Variants in CACNA2D2 observed in about 807,000 individuals in gnomAD.
CACNA2D2 encodes the protein voltage-dependent calcium channel subunit alpha-2/delta-2.
In CACNA2D2, 48 loss-of-function variants were observed where a neutral mutation model predicts 166.4. The observed-to-expected ratio is 0.29, with a 90% CI of 0.23 to 0.37. The LOEUF is 0.37. Ranked by LOEUF, CACNA2D2 falls within the 10% of genes least tolerant of loss-of-function variation. CACNA2D2 has a pLI of 1.00. For synonymous variants in CACNA2D2, 561 were observed against 573.7 expected, an observed-to-expected ratio of 0.98 and a Z score of 0.32; for missense variants, 1,122 against 1,433.0, an observed-to-expected ratio of 0.78 and a Z score of 3.50.
chr3:50,498,124 G>A (rs997224867), intron 1 of CACNA2D2, among the ~76,000 whole-genome samples: 3 of 152,134 alleles, frequency 2.0e-5, no homozygotes, highest in Non-Finnish European at 2.9e-5. Flanking sequence ...TGGCTGGAAG[G>A]GGGAAGAGAG....
At position 50,476,204 on chromosome 3, in the gene CACNA2D2, A is replaced by G. The variant is rs1206745335; in HGVS notation, c.207-5T>C. 12 of 1,581,770 alleles carry G rather than the reference A, an allele frequency of 7.6e-6. No individual in the cohort carries two copies. Among genetic ancestry groups the G allele is most frequent in the East Asian group, 2.3e-5 (1 of 43,432 alleles). ...CGCCGGGCCCAGTGCTGCATCCTGT[A>G]TGCAGAGAGAGGAGAGAGGTGTCAG... On this transcript the variant is annotated splice_polypyrimidine_tract_variant and splice_region_variant and intron_variant, in intron 1 of 37. Coordinates refer to ENST00000424201, the MANE Select transcript of CACNA2D2 (RefSeq NM_006030.4).
At chr3:50,399,084 CAGG>C (rs1329657442) in intron 3 of CACNA2D2, among the ~76,000 whole-genome samples, 1 of 152,266 alleles carries the variant, frequency 6.6e-6, no homozygotes, top group East Asian at 1.9e-4. Context: ...CCCTGCATGC[CAGG>C]AGGGGAGGGC....
At chr3:50,463,767 C>T (rs1559973805) in intron 2 of CACNA2D2, among the ~76,000 whole-genome samples, 1 of 152,248 alleles carries the variant, frequency 6.6e-6, no homozygotes, top group Non-Finnish European at 1.5e-5. Context: ...CCAGTGGCCT[C>T]CTTGTATGGG....
intron 4 of CACNA2D2, 131 bp from the exon 5 acceptor site, chr3:50,387,743 G>GC: frequency 1.4e-6 from 1 of 722,524 alleles, no homozygotes; most frequent in Non-Finnish European, 2.3e-6. Flanking sequence ...CCCACCCAGA[G>GC]CCCCCCTCCT....
chr3:50,420,435 TG>T (rs1229980198), intron 3 of CACNA2D2, among the ~76,000 whole-genome samples: 6 of 152,176 alleles, frequency 3.9e-5, no homozygotes, highest in Non-Finnish European at 4.4e-5. Flanking sequence ...AATACTGACT[TG>T]AAAACAGCTT....
At chr3:50,374,511 C>A (rs1704865166) in intron 22 of CACNA2D2, among the ~76,000 whole-genome samples, 1 of 151,920 alleles carries the variant, frequency 6.6e-6, no homozygotes, top group Non-Finnish European at 1.5e-5. Context: ...ACAGCAACCT[C>A]AACAGAAACC....
At chr3:50,441,714 A>G (rs905992113) in intron 2 of CACNA2D2, among the ~76,000 whole-genome samples, 2 of 152,244 alleles carry the variant, frequency 1.3e-5, no homozygotes, top group Admixed American at 1.3e-4. Flanking sequence ...GGCAATCCTG[A>G]TTATCCATTT....
At position 50,365,091 on chromosome 3, in the gene CACNA2D2, C is replaced by T; in HGVS notation, c.3192G>A (p.Leu1064=). The T allele has an allele frequency of 6.2e-7, 1 of 1,611,624 alleles. No homozygotes were observed. The highest frequency in any genetic ancestry group is 1.3e-5 in the African/African-American group (1 of 74,998). Residue 1064 remains leucine, a synonymous_variant, in exon 36 of 38, where the codon CTG becomes CTA. Coordinates refer to ENST00000424201, the MANE Select transcript of CACNA2D2 (RefSeq NM_006030.4). This position sits in a 1 kb window ranked among gnomAD's most constrained non-coding sequence, Gnocchi z 4.5. ...GCAGGATACAGTGCGTCTCCTTCTGCAGCAGCCGGCCAGCCTCGCACTGGC... is the reference window on the plus strand; with the variant it reads ...GCAGGATACAGTGCGTCTCCTTCTGTAGCAGCCGGCCAGCCTCGCACTGGC... ...LCSQCEAGRL[L]QKETHSDGPE...
chr3:50,378,121 G>T (rs1705083777), intron 14 of CACNA2D2, 24 bp from the exon 15 acceptor site: 1 of 1,606,360 alleles, frequency 6.2e-7, no homozygotes, highest in Admixed American at 1.7e-5. Flanking sequence ...AGTGGTGGGG[G>T]TAATGAGTGC....
intron 3 of CACNA2D2, among the ~76,000 whole-genome samples, chr3:50,406,117 C>T (rs1338263007): frequency 6.6e-6 from 1 of 151,790 alleles, no homozygotes; most frequent in Non-Finnish European, 1.5e-5. Flanking sequence ...CAGGTCATTG[C>T]CCTTTGTCAG....
chr3:50,465,386 G>C (rs368579613), intron 2 of CACNA2D2, among the ~76,000 whole-genome samples: 2 of 152,212 alleles, frequency 1.3e-5, no homozygotes, highest in African/African-American at 4.8e-5. Flanking sequence ...ACCTGATCAA[G>C]AGGCAAGTGG....
chr3:50,392,310 T>C (rs1306127690), intron 4 of CACNA2D2, among the ~76,000 whole-genome samples: 2 of 152,186 alleles, frequency 1.3e-5, no homozygotes, highest in Non-Finnish European at 2.9e-5. Context: ...GATACACCAT[T>C]AGCATTGATG....
In CACNA2D2 at chr3:50,374,819, G is replaced by T. The variant is rs200831326; in HGVS notation, c.1908-6C>A. 15 of 1,585,856 alleles carry T rather than the reference G, an allele frequency of 9.5e-6. No homozygotes were observed. The highest frequency in any genetic ancestry group is 4.0e-5 in the African/African-American group (3 of 74,392). On this transcript the variant is annotated splice_polypyrimidine_tract_variant and splice_region_variant and intron_variant, in intron 21 of 37. Transcript: ENST00000424201. ...GTGGGAGCACCAGCCCCAGGCTGAG[G>T]GGGGAGAAGCTCGGGTCACGGCTGG...
At chr3:50,456,627 T>C (rs938537821) in intron 2 of CACNA2D2, among the ~76,000 whole-genome samples, 5 of 152,274 alleles carry the variant, frequency 3.3e-5, no homozygotes, top group African/African-American at 1.2e-4. Flanking sequence ...CCTGCTGCCC[T>C]CCCAGGCCTG....
At chr3:50,391,087 T>C (rs1705865662) in intron 4 of CACNA2D2, among the ~76,000 whole-genome samples, 1 of 152,208 alleles carries the variant, frequency 6.6e-6, no homozygotes, top group Non-Finnish European at 1.5e-5. Flanking sequence ...GACCCTCAGG[T>C]CAGGAAGGCC....
chr3:50,412,435 C>G (rs1370403379), intron 3 of CACNA2D2, among the ~76,000 whole-genome samples: 1 of 152,212 alleles, frequency 6.6e-6, no homozygotes, highest in Non-Finnish European at 1.5e-5. Context: ...CCCCAATTAC[C>G]CCATTTTCTA....
At position 50,362,897 on chromosome 3, in the gene CACNA2D2, G is replaced by T. The variant is rs1021929346; in HGVS notation, c.*1769C>A. On this transcript the variant is annotated 3_prime_UTR_variant, in exon 38 of 38. Transcript: ENST00000424201. ...AATCACACACACGATATTTTACAAA[G>T]TTTCTTGACTTTTTTGTCGCTGTTG... 4 of 389,386 alleles carry T rather than the reference G, an allele frequency of 1.0e-5. No individual in the cohort carries two copies. Among genetic ancestry groups the T allele is most frequent in the Non-Finnish European group, 1.8e-5 (4 of 220,964 alleles). 24.1% of individuals were successfully genotyped at this position (389,386 alleles called of 1,614,324 possible).
chr3:50,382,653 A>C (rs587765467), intron 6 of CACNA2D2, among the ~76,000 whole-genome samples: 1 of 152,334 alleles, frequency 6.6e-6, no homozygotes, highest in African/African-American at 2.4e-5. Context: ...GAGTTGAACA[A>C]TTTCTATTTT....
chr3:50,503,100 G>C (rs1699051277), intron 1 of CACNA2D2, 118 bp downstream of exon 1: 1 of 500,892 alleles, frequency 2.0e-6, no homozygotes, highest in Non-Finnish European at 2.9e-6. Context: ...GGCGCAGCGG[G>C]CAGCCGGACC....
Sources: allele counts gnomAD v4.1 joint callset (sites outside exome capture counted in the v4.1 genomes callset), GRCh38; gene constraint gnomAD v4.1.1; non-coding constraint Gnocchi (gnomAD v3.1); transcripts MANE v1.5; gene names NCBI Gene and HGNC (gene_info 2026-07-23, HGNC 2026-07-21).